Variants in LRRC75A observed in about 807,000 individuals in gnomAD.
LRRC75A encodes leucine rich repeat containing 75A.
LRRC75A carries 12 observed loss-of-function variants against 26.0 expected under a neutral mutation model. That is an observed-to-expected ratio of 0.46 (90% CI 0.30 to 0.75). The LOEUF (loss-of-function observed/expected upper bound fraction) is 0.75, where lower values mean the gene tolerates loss of function less well. Ranked by LOEUF, LRRC75A falls within the 30% of genes least tolerant of loss-of-function variation. The probability of loss-of-function intolerance (pLI) is 0.08; values close to 1 mark genes in which losing one functional copy is unlikely to be tolerated. For missense variants in LRRC75A, 410 were observed against 486.6 expected, an observed-to-expected ratio of 0.84 and a Z score of 1.48; for synonymous variants, 223 against 219.3, an observed-to-expected ratio of 1.02 and a Z score of -0.15.
chr17:16,481,895 C>T (rs2093834920), intron 1 of LRRC75A, among the ~76,000 whole-genome samples: 1 of 152,192 alleles, frequency 6.6e-6, no homozygotes, highest in Non-Finnish European at 1.5e-5. Context: ...CCCCTGATTC[C>T]CCCACCATCT....
intron 1 of LRRC75A, among the ~76,000 whole-genome samples, chr17:16,477,826 T>TG (rs1317247189): frequency 6.6e-6 from 1 of 150,434 alleles, no homozygotes; most frequent in African/African-American, 2.5e-5. Flanking sequence ...GAAGAGGGCA[T>TG]GGGGTGGGGG....
chr17:16,456,259 C>CAGGAAGAGGAGGAGG (rs1359941618), intron 2 of LRRC75A, among the ~76,000 whole-genome samples: 2 of 85,276 alleles, frequency 2.3e-5, no homozygotes, highest in Non-Finnish European at 4.4e-5. Flanking sequence ...GGAAGAGGAT[C>CAGGAAGAGGAGGAGG]AGGAAGAGGA....
At chr17:16,470,800 C>T (rs961644076) in intron 1 of LRRC75A, among the ~76,000 whole-genome samples, 1 of 152,122 alleles carries the variant, frequency 6.6e-6, no homozygotes, top group Non-Finnish European at 1.5e-5. Context: ...AGAAGAAGGA[C>T]GGAATCATAA....
intron 1 of LRRC75A, among the ~76,000 whole-genome samples, chr17:16,477,166 T>G (rs1241613439): frequency 1.3e-5 from 2 of 152,212 alleles, no homozygotes; most frequent in African/African-American, 4.8e-5. Context: ...ATTACAGGCA[T>G]AAGCCACCAT....
Position 16,491,871 on chromosome 17 carries a change from C to A in LRRC75A, c.120G>T (p.Lys40Asn). The change falls in exon 1 of 4, where the codon AAG becomes AAT. Residue 40 changes from lysine (K) to asparagine (N), a missense_variant. By Grantham distance (94) the Lys-to-Asn change is moderately conservative. Coordinates refer to ENST00000470794, the MANE Select transcript of LRRC75A (RefSeq NM_001113567.3). This position sits in a 1 kb window ranked among gnomAD's most constrained non-coding sequence, Gnocchi z 5.9. ...WASLLLRAGD[K>N]AGRAGAGMPP... Reference sequence around the variant, plus strand: ...GCATCCCCGCGCCCGCGCGCCCCGCCTTGTCCCCGGCGCGCAGCAGCAGCG... The same window carrying A: ...GCATCCCCGCGCCCGCGCGCCCCGCATTGTCCCCGGCGCGCAGCAGCAGCG... 1 of 1,379,326 alleles carries A rather than the reference C, an allele frequency of 7.2e-7. No homozygotes were observed. The highest frequency in any genetic ancestry group is 9.4e-7 in the Non-Finnish European group (1 of 1,062,058). The allele number at this position is 1,379,326 out of a possible 1,614,324, so 85.4% of individuals were successfully genotyped here.
intron 2 of LRRC75A, among the ~76,000 whole-genome samples, chr17:16,455,387 A>G (rs1328911904): frequency 6.8e-6 from 1 of 146,594 alleles, no homozygotes; most frequent in African/African-American, 2.5e-5. Context: ...CTGCCCTACA[A>G]TTTTTTTTTT....
At chr17:16,451,327 G>A (rs1189090468) in intron 2 of LRRC75A, among the ~76,000 whole-genome samples, 1 of 152,092 alleles carries the variant, frequency 6.6e-6, no homozygotes, top group African/African-American at 2.4e-5. Context: ...AGAGCTCAAA[G>A]GGAGAATAGG....
At chr17:16,486,722 C>T (rs2093847846) in intron 1 of LRRC75A, among the ~76,000 whole-genome samples, 3 of 152,312 alleles carry the variant, frequency 2.0e-5, no homozygotes, top group Admixed American at 6.5e-5. Context: ...CTCCTCTCTC[C>T]AAGAACACCA....
At chr17:16,483,230 C>T (rs1485828047) in intron 1 of LRRC75A, among the ~76,000 whole-genome samples, 1 of 152,240 alleles carries the variant, frequency 6.6e-6, no homozygotes, top group Non-Finnish European at 1.5e-5. Context: ...CAGGGCAGCT[C>T]GGGCCTCTGT....
chr17:16,454,126 C>G (rs1046221957), intron 2 of LRRC75A, among the ~76,000 whole-genome samples: 104 of 152,356 alleles, frequency 6.8e-4, no homozygotes, highest in African/African-American at 2.4e-3. Flanking sequence ...TGTGGTGGCT[C>G]ACGCCTGTAA....
At chr17:16,447,135 A>G (rs2143010836) in intron 3 of LRRC75A, 1 of 224,758 alleles carries the variant, frequency 4.4e-6, no homozygotes, top group East Asian at 1.8e-4. Flanking sequence ...TTCCTTCTCC[A>G]GGAAGCCTTA....
chr17:16,484,419 T>C (rs1350688349), intron 1 of LRRC75A, among the ~76,000 whole-genome samples: 1 of 152,186 alleles, frequency 6.6e-6, no homozygotes, highest in Non-Finnish European at 1.5e-5. Context: ...AAAGGCTTTA[T>C]GGACTAGAAA....
rs2093538376 is a variant in LRRC75A at position 16,442,438 on chromosome 17, G to A, written c.*1150C>T. 6.6e-6 allele frequency: 1 copy of A among 152,254 alleles called. No individual in the cohort carries two copies. Among genetic ancestry groups the A allele is most frequent in the Admixed American group, 6.5e-5 (1 of 15,286 alleles). 9.4% of individuals were successfully genotyped at this position (152,254 alleles called of 1,614,324 possible). A position where few individuals can be genotyped will look rare whatever the true frequency, so the allele number is the denominator to read the frequency against. On this transcript the variant is annotated 3_prime_UTR_variant, in exon 4 of 4. Transcript: ENST00000470794. The stretch of plus-strand genomic sequence containing the variant: ...CCAGTCTTCCTGGACTGAACTACTT[G>A]GATCTAGGGGTTGCCTGTTATTTAG...
intron 1 of LRRC75A, among the ~76,000 whole-genome samples, chr17:16,467,181 TCTTG>T (rs1418024399): frequency 6.6e-6 from 1 of 152,224 alleles, no homozygotes; most frequent in Non-Finnish European, 1.5e-5. Context: ...TGAGACAAGG[TCTTG>T]CTCTGTCACC....
At position 16,442,439 on chromosome 17, in the gene LRRC75A, G is replaced by T. The variant is rs78133126; in HGVS notation, c.*1149C>A. On this transcript the variant is annotated 3_prime_UTR_variant, in exon 4 of 4. Coordinates refer to ENST00000470794, the MANE Select transcript of LRRC75A (RefSeq NM_001113567.3). ...CAGTCTTCCTGGACTGAACTACTTGGATCTAGGGGTTGCCTGTTATTTAGA... is the reference window on the plus strand; with the variant it reads ...CAGTCTTCCTGGACTGAACTACTTGTATCTAGGGGTTGCCTGTTATTTAGA... 2,563 of 152,362 alleles carry T rather than the reference G, an allele frequency of 0.017. 35 individuals carry two copies. The highest frequency in any genetic ancestry group is 0.03 in the South Asian group (144 of 4,816). The allele number at this position is 152,362 out of a possible 1,614,324, so 9.4% of individuals were successfully genotyped here.
At chr17:16,455,886 G>A (rs1210202031) in intron 2 of LRRC75A, among the ~76,000 whole-genome samples, 4 of 152,260 alleles carry the variant, frequency 2.6e-5, no homozygotes, top group African/African-American at 9.6e-5. Context: ...AGTTCAAAGT[G>A]TTTCTATCAT....
chr17:16,442,431 A>C lies in LRRC75A; in HGVS notation c.*1157T>G, dbSNP rs2093538301. ...TTGGCTCCCAGTCTTCCTGGACTGA[A>C]CTACTTGGATCTAGGGGTTGCCTGT... is the stretch of plus-strand genomic sequence containing the variant. On this transcript the variant is annotated 3_prime_UTR_variant, in exon 4 of 4. Coordinates refer to ENST00000470794, the MANE Select transcript of LRRC75A (RefSeq NM_001113567.3). 1 of 152,266 alleles carries C rather than the reference A, an allele frequency of 6.6e-6. No individual in the cohort carries two copies. Among genetic ancestry groups the C allele is most frequent in the Non-Finnish European group, 1.5e-5 (1 of 68,082 alleles). 9.4% of individuals were successfully genotyped at this position (152,266 alleles called of 1,614,324 possible). A position where few individuals can be genotyped will look rare whatever the true frequency, so the allele number is the denominator to read the frequency against.
At position 16,462,146 on chromosome 17, in the gene LRRC75A, TGTCCTCCTTGGGCCTGTCTGCCA is replaced by T. The variant is rs77723240; in HGVS notation, c.375+89_375+111del. The stretch of plus-strand genomic sequence containing the variant: ...GCTCTTGGTGCCTGGAGGACGGGCT[TGTCCTCCTTGGGCCTGTCTGCCA>T]GTCCTCCTTGGGCATACAGCTGCTC... On this transcript the variant is annotated intron_variant, in intron 2 of 3. Coordinates refer to ENST00000470794, the MANE Select transcript of LRRC75A (RefSeq NM_001113567.3). The surrounding 1 kb of genome is among the most constrained non-coding windows in gnomAD (Gnocchi z 4.6). 0.041 allele frequency: 56,664 copies of T among 1,375,032 alleles called. 1,278 individuals carry two copies. Among genetic ancestry groups the T allele is most frequent in the Middle Eastern group, 0.056 (276 of 4,964 alleles). 85.2% of individuals were successfully genotyped at this position (1,375,032 alleles called of 1,614,324 possible).
intron 1 of LRRC75A, among the ~76,000 whole-genome samples, chr17:16,489,608 G>A (rs182462765): frequency 2.3e-3 from 350 of 152,330 alleles, no homozygotes; most frequent in Middle Eastern, 3.4e-3. Context: ...CCTCCAAATG[G>A]CCTCAGGGTC....
Sources: allele counts gnomAD v4.1 joint callset (sites outside exome capture counted in the v4.1 genomes callset), GRCh38; gene constraint gnomAD v4.1.1; non-coding constraint Gnocchi (gnomAD v3.1); transcripts MANE v1.5; gene names NCBI Gene and HGNC (gene_info 2026-07-23, HGNC 2026-07-21).